Variants in GREM2 observed in about 807,000 individuals in gnomAD.
GREM2 encodes gremlin 2, DAN family BMP antagonist.
In GREM2, 11 loss-of-function variants were observed where a neutral mutation model predicts 14.2. The ratio of observed to expected loss-of-function variants is 0.78; its 90% CI spans 0.49 to 1.28. The LOEUF is 1.28. Ranked by LOEUF, GREM2 falls within the 50% of genes most tolerant of loss-of-function variation. The pLI, the probability that GREM2 is intolerant of heterozygous loss-of-function variation, is 0.00. For synonymous variants in GREM2, 98 were observed against 97.6 expected (o/e 1.00, Z -0.02); for missense variants, 210 against 218.5 (o/e 0.96, Z 0.24).
chr1:240,506,978 A>G (rs1677687856), intron 1 of GREM2, among the ~76,000 whole-genome samples: 1 of 152,160 alleles, frequency 6.6e-6, no homozygotes, highest in South Asian at 2.1e-4. Context: ...AAGAAGGGGG[A>G]CATCTAGGTA....
intron 1 of GREM2, among the ~76,000 whole-genome samples, chr1:240,601,546 G>A (rs772491579): frequency 6.6e-6 from 1 of 152,186 alleles, no homozygotes; most frequent in Non-Finnish European, 1.5e-5. Context: ...GTGAGCTTCA[G>A]TTCTTTGTTG....
intron 1 of GREM2, among the ~76,000 whole-genome samples, chr1:240,497,764 G>A (rs1241323270): frequency 6.6e-6 from 1 of 151,584 alleles, no homozygotes; most frequent in African/African-American, 2.4e-5. Flanking sequence ...AATGTCATAT[G>A]AAAATGGCCA....
chr1:240,575,522 TAA>T (rs1385537403), intron 1 of GREM2, among the ~76,000 whole-genome samples: 2 of 142,232 alleles, frequency 1.4e-5, no homozygotes, highest in African/African-American at 5.3e-5. Context: ...ATTTTAATTT[TAA>T]TTTTATTTTT....
At chr1:240,523,305 G>C (rs536119295) in intron 1 of GREM2, among the ~76,000 whole-genome samples, 2 of 152,276 alleles carry the variant, frequency 1.3e-5, no homozygotes, top group South Asian at 4.1e-4. Flanking sequence ...GGGTTTCTCA[G>C]CTTCAGCACA....
At chr1:240,523,111 T>G (rs1247413130) in intron 1 of GREM2, among the ~76,000 whole-genome samples, 1 of 152,248 alleles carries the variant, frequency 6.6e-6, no homozygotes, top group African/African-American at 2.4e-5. Context: ...TTCTTTTTTT[T>G]GAGACAGAGT....
chr1:240,594,638 G>A (rs1345382319), intron 1 of GREM2, among the ~76,000 whole-genome samples: 1 of 151,986 alleles, frequency 6.6e-6, no homozygotes, highest in Non-Finnish European at 1.5e-5. Flanking sequence ...CTTATAAATA[G>A]TATCTTCAGG....
At chr1:240,550,993 CT>C (rs1213992112) in intron 1 of GREM2, among the ~76,000 whole-genome samples, 1 of 152,178 alleles carries the variant, frequency 6.6e-6, no homozygotes. Context: ...AAAAAAGAAT[CT>C]TTTATGGCCT....
intron 1 of GREM2, among the ~76,000 whole-genome samples, chr1:240,586,844 G>T (rs1404225008): frequency 1.3e-5 from 2 of 152,164 alleles, no homozygotes; most frequent in African/African-American, 2.4e-5. Context: ...CATGTTTAAA[G>T]ATGCCTATCA....
Position 240,491,165 on chromosome 1 carries a change from G to A in GREM2, c.*1804C>T, listed in dbSNP as rs1677238549. ...AATGCACCTTGCAGTGCAGTGGCCT[G>A]AGATAGATTCACCAACCCACCCCAC... On this transcript the variant is annotated 3_prime_UTR_variant, in exon 2 of 2. Transcript: ENST00000318160. 6.6e-6 allele frequency: 1 copy of A among 152,228 alleles called. No homozygotes were observed. The highest frequency in any genetic ancestry group is 2.4e-5 in the African/African-American group (1 of 41,430). 9.4% of individuals were successfully genotyped at this position (152,228 alleles called of 1,614,324 possible).
intron 1 of GREM2, chr1:240,549,821 A>G (rs1335705377): frequency 6.6e-6 from 1 of 152,488 alleles, no homozygotes; most frequent in African/African-American, 2.4e-5. Context: ...GGAATCACCT[A>G]GAACAGACTC....
At chr1:240,598,063 C>T (rs567134756) in intron 1 of GREM2, among the ~76,000 whole-genome samples, 1 of 152,278 alleles carries the variant, frequency 6.6e-6, no homozygotes, top group East Asian at 1.9e-4. Context: ...CAGTTAATAT[C>T]GACTAAACAG....
At chr1:240,530,203 C>T (rs1236355400) in intron 1 of GREM2, among the ~76,000 whole-genome samples, 9 of 152,060 alleles carry the variant, frequency 5.9e-5, no homozygotes. Flanking sequence ...CACAGAAGCC[C>T]CTTTTCTGGA....
chr1:240,495,132 T>A (rs1484402536), intron 1 of GREM2, among the ~76,000 whole-genome samples: 1 of 152,222 alleles, frequency 6.6e-6, no homozygotes, highest in Non-Finnish European at 1.5e-5. Context: ...ACATTTTAAA[T>A]TTTTGTATTT....
At chr1:240,497,262 A>G (rs1303187102) in intron 1 of GREM2, among the ~76,000 whole-genome samples, 6 of 152,094 alleles carry the variant, frequency 3.9e-5, no homozygotes, top group African/African-American at 9.7e-5. Context: ...TTTTAATTAA[A>G]TTTCTTTTTA....
chr1:240,513,968 C>T (rs1043953219), intron 1 of GREM2, among the ~76,000 whole-genome samples: 1 of 151,910 alleles, frequency 6.6e-6, no homozygotes, highest in Middle Eastern at 3.4e-3. Flanking sequence ...AGAAATAGTC[C>T]GGTGCGGTGG....
chr1:240,530,978 C>G (rs1191318608), intron 1 of GREM2: 1 of 152,200 alleles, frequency 6.6e-6, no homozygotes, highest in Non-Finnish European at 1.5e-5. Flanking sequence ...GTAAACCATC[C>G]TATGAAATTT....
At chr1:240,586,882 C>T (rs1169587360) in intron 1 of GREM2, among the ~76,000 whole-genome samples, 1 of 152,122 alleles carries the variant, frequency 6.6e-6, no homozygotes, top group Non-Finnish European at 1.5e-5. Flanking sequence ...TACTTTTCTA[C>T]TGAAAGTGAA....
At chr1:240,594,430 C>T (rs945790023) in intron 1 of GREM2, among the ~76,000 whole-genome samples, 3 of 152,174 alleles carry the variant, frequency 2.0e-5, no homozygotes, top group South Asian at 2.1e-4. Context: ...GCTCTTTTCC[C>T]GGAAATAAAC....
At chr1:240,599,252 A>C (rs887575044) in intron 1 of GREM2, among the ~76,000 whole-genome samples, 3 of 146,132 alleles carry the variant, frequency 2.1e-5, no homozygotes, top group Non-Finnish European at 4.5e-5. Context: ...GGGGCAACAG[A>C]GTGAGACTCT....
Sources: allele counts gnomAD v4.1 joint callset (sites outside exome capture counted in the v4.1 genomes callset), GRCh38; gene constraint gnomAD v4.1.1; transcripts MANE v1.5; gene names NCBI Gene and HGNC (gene_info 2026-07-23, HGNC 2026-07-21).